Variants in PRELID2 observed in about 807,000 individuals in gnomAD.
PRELID2 encodes PRELI domain-containing protein 2.
In PRELID2, 25 loss-of-function variants were observed where a neutral mutation model predicts 28.4. That is an observed-to-expected ratio of 0.88 (90% confidence interval 0.64 to 1.23). The LOEUF is 1.23. Ranked by LOEUF, PRELID2 falls within the 50% of genes most tolerant of loss-of-function variation. The probability of loss-of-function intolerance (pLI) is 0.00; values close to 1 mark genes in which losing one functional copy is unlikely to be tolerated. For missense variants in PRELID2, 201 were observed against 214.4 expected (o/e 0.94, Z 0.39); for synonymous variants, 76 against 71.6 (o/e 1.06, Z -0.31).
intron 1 of PRELID2, among the ~76,000 whole-genome samples, chr5:145,528,671 G>A (rs567520594): frequency 6.8e-5 from 10 of 146,844 alleles, no homozygotes; most frequent in African/African-American, 1.8e-4. Context: ...GCTTTGGGCC[G>A]TTTCACTTCA....
At chr5:145,486,432 A>G (rs1157112382) in intron 1 of PRELID2, among the ~76,000 whole-genome samples, 4 of 152,202 alleles carry the variant, frequency 2.6e-5, no homozygotes, top group African/African-American at 9.6e-5. Context: ...TTCCTCAGAA[A>G]CACTTTTTCA....
intron 1 of PRELID2, among the ~76,000 whole-genome samples, chr5:145,738,630 CTAAA>C (rs1314116972): frequency 6.6e-6 from 1 of 151,934 alleles, no homozygotes; most frequent in East Asian, 1.9e-4. Flanking sequence ...ATTACTCAAT[CTAAA>C]CAAGAGAGAG....
the PRELID2 span, among the ~76,000 whole-genome samples, chr5:145,461,076 G>A: frequency 2.2e-4 from 33 of 152,238 alleles, no homozygotes; most frequent in Non-Finnish European, 3.8e-4. Context: ...GTATAAATAC[G>A]AGACAAAGTA....
the PRELID2 span, among the ~76,000 whole-genome samples, chr5:145,306,102 G>T: frequency 6.6e-6 from 1 of 152,112 alleles, no homozygotes. Flanking sequence ...CCTATTTTAT[G>T]TACTGGAAGT....
intron 1 of PRELID2, among the ~76,000 whole-genome samples, chr5:145,603,644 T>A (rs1265150493): frequency 1.3e-5 from 2 of 152,006 alleles, no homozygotes; most frequent in Non-Finnish European, 2.9e-5. Context: ...AGGATAAATA[T>A]ACAGGAATGC....
chr5:145,411,817 C>G, the PRELID2 span, among the ~76,000 whole-genome samples: 1 of 152,246 alleles, frequency 6.6e-6, no homozygotes. Context: ...CATTCCCATA[C>G]ATCCTCTGAA....
chr5:145,728,429 G>T, intron 1 of PRELID2: 2 of 562,320 alleles, frequency 3.6e-6, no homozygotes, highest in South Asian at 2.0e-5. Context: ...TTCAGCAAGA[G>T]ACAAAACAGG....
At chr5:145,465,586 T>A in the PRELID2 span, among the ~76,000 whole-genome samples, 1 of 152,094 alleles carries the variant, frequency 6.6e-6, no homozygotes, top group African/African-American at 2.4e-5. Context: ...GCAAGCTACT[T>A]AACTTTTCCA....
chr5:145,640,119 T>A (rs895637693), intron 1 of PRELID2, among the ~76,000 whole-genome samples: 13 of 152,176 alleles, frequency 8.5e-5, no homozygotes, highest in Non-Finnish European at 1.5e-4. Context: ...AATCAAAAGA[T>A]GAAGAGAGCT....
chr5:145,336,607 G>A, the PRELID2 span, among the ~76,000 whole-genome samples: 723 of 152,088 alleles, frequency 4.8e-3, 6 homozygotes, highest in African/African-American at 0.017. Context: ...TATTTCTGAG[G>A]GCTCTGTTCT....
At chr5:145,528,726 C>G (rs6867728) in intron 1 of PRELID2, among the ~76,000 whole-genome samples, 7,766 of 53,138 alleles carry the variant, frequency 0.15, 296 homozygotes, top group African/African-American at 0.2. Context: ...CACACACACA[C>G]AGAGAGAGAG....
At chr5:145,492,350 C>CAGATGA (rs1752277235) in intron 1 of PRELID2, among the ~76,000 whole-genome samples, 4 of 143,288 alleles carry the variant, frequency 2.8e-5, no homozygotes, top group Non-Finnish European at 4.7e-5. Context: ...TATTCAGGTC[C>CAGATGA]TTTGCAAAAT....
downstream of PRELID2, among the ~76,000 whole-genome samples, chr5:145,754,818 C>T (rs925175812): frequency 2.6e-5 from 4 of 152,102 alleles, no homozygotes; most frequent in African/African-American, 4.8e-5. Context: ...AGGCCATCCA[C>T]GTCAATTTCT....
chr5:145,456,292 C>A, the PRELID2 span, among the ~76,000 whole-genome samples: 3 of 152,186 alleles, frequency 2.0e-5, no homozygotes, highest in African/African-American at 7.2e-5. Flanking sequence ...TTGTCGCAGA[C>A]CAGTAACAAA....
chr5:145,550,163 A>G (rs142297623), intron 1 of PRELID2, among the ~76,000 whole-genome samples: 26 of 152,286 alleles, frequency 1.7e-4, no homozygotes, highest in African/African-American at 6.3e-4. Context: ...GAAGGAGGGG[A>G]TGAGAATGAA....
At chr5:145,516,524 G>T (rs1580965115) in intron 1 of PRELID2, among the ~76,000 whole-genome samples, 1 of 152,084 alleles carries the variant, frequency 6.6e-6, no homozygotes, top group East Asian at 1.9e-4. Flanking sequence ...CATGCTCATG[G>T]ACAGGAAGAA....
chr5:145,503,788 T>A (rs1242462417), intron 1 of PRELID2, among the ~76,000 whole-genome samples: 1 of 152,134 alleles, frequency 6.6e-6, no homozygotes, highest in Non-Finnish European at 1.5e-5. Context: ...TCTGTGAGAG[T>A]TGTTTTCTAA....
the PRELID2 span, among the ~76,000 whole-genome samples, chr5:145,357,579 T>G: frequency 1.3e-5 from 2 of 152,212 alleles, no homozygotes; most frequent in Non-Finnish European, 2.9e-5. Context: ...GAGTTGAGTT[T>G]CTTAGCTCTG....
chr5:145,633,078 C>T (rs2149659562), intron 1 of PRELID2, among the ~76,000 whole-genome samples: 1 of 152,214 alleles, frequency 6.6e-6, no homozygotes, highest in East Asian at 1.9e-4. Flanking sequence ...TAAATTCTGG[C>T]AACAACTCAA....
Sources: gnomAD v4.1 joint callset for allele counts (sites outside exome capture counted in the v4.1 genomes callset) on GRCh38, gnomAD v4.1.1 for gene constraint, MANE v1.5 for transcripts, NCBI Gene and HGNC (gene_info 2026-07-23, HGNC 2026-07-21) for gene names.